Variants in FBXO4 observed in about 807,000 individuals in gnomAD.
FBXO4 encodes the protein F-box only protein 4.
Under a neutral mutation model 43.7 loss-of-function variants are expected in FBXO4, and 36 were observed. The observed-to-expected ratio is 0.82, with a 90% CI of 0.63 to 1.09. The LOEUF is 1.09. Among genes scored for constraint, FBXO4 ranks in the 50% least tolerant of loss-of-function variants. The pLI, the probability that FBXO4 is intolerant of heterozygous loss-of-function variation, is 0.00. For synonymous variants in FBXO4, 180 were observed against 165.6 expected (o/e 1.09, Z -0.67); for missense variants, 435 against 474.1 (o/e 0.92, Z 0.77).
chr5:41,959,558 A>G, the FBXO4 span, among the ~76,000 whole-genome samples: 1 of 152,138 alleles, frequency 6.6e-6, no homozygotes, highest in East Asian at 1.9e-4. Flanking sequence ...CAATTTTTGC[A>G]TGTGCTTTGA....
At chr5:41,952,723 T>C in the FBXO4 span, among the ~76,000 whole-genome samples, 1 of 152,170 alleles carries the variant, frequency 6.6e-6, no homozygotes, top group African/African-American at 2.4e-5. Context: ...TCATAAAATA[T>C]GTAATATTTT....
At chr5:41,968,903 A>G in the FBXO4 span, among the ~76,000 whole-genome samples, 1 of 152,092 alleles carries the variant, frequency 6.6e-6, no homozygotes. Context: ...ACATCTTATG[A>G]TTTTATGAAT....
chr5:42,038,234 A>C, the FBXO4 span, among the ~76,000 whole-genome samples: 1 of 152,060 alleles, frequency 6.6e-6, no homozygotes, highest in Non-Finnish European at 1.5e-5. Context: ...TATTCTGTTC[A>C]CCACGAAGCA....
chr5:41,940,646 A>C (rs764409925), intron 6 of FBXO4, among the ~76,000 whole-genome samples: 10 of 152,246 alleles, frequency 6.6e-5, no homozygotes, highest in Non-Finnish European at 1.5e-4. Context: ...AAGAAAAATT[A>C]AAGTTGGAAA....
chr5:42,021,420 C>T, the FBXO4 span, among the ~76,000 whole-genome samples: 1 of 152,084 alleles, frequency 6.6e-6, no homozygotes, highest in African/African-American at 2.4e-5. Context: ...ATCATATTGT[C>T]ATTGAAATTG....
chr5:42,000,383 G>A, the FBXO4 span, among the ~76,000 whole-genome samples: 11 of 152,168 alleles, frequency 7.2e-5, no homozygotes, highest in Admixed American at 7.2e-4. Flanking sequence ...CATAAAAGTT[G>A]AAATTTTAAA....
the FBXO4 span, among the ~76,000 whole-genome samples, chr5:42,039,246 T>C: frequency 5.8e-4 from 88 of 152,242 alleles, no homozygotes; most frequent in Non-Finnish European, 1.1e-3. Context: ...ACAAAATACA[T>C]AAGTACCTTT....
the FBXO4 span, among the ~76,000 whole-genome samples, chr5:41,994,543 T>C: frequency 3.3e-5 from 5 of 152,224 alleles, no homozygotes; most frequent in African/African-American, 1.2e-4. Flanking sequence ...TTTCTAGCCC[T>C]GCCGGATTGG....
the FBXO4 span, among the ~76,000 whole-genome samples, chr5:42,015,971 A>T: frequency 0.1 from 15,216 of 152,188 alleles, 1,150 homozygotes; most frequent in African/African-American, 0.21. Flanking sequence ...GTGCTTAGGG[A>T]GTCAGGGATG....
the FBXO4 span, chr5:41,967,808 C>T: frequency 4.9e-6 from 3 of 611,522 alleles, no homozygotes; most frequent in South Asian, 4.1e-5. Context: ...AGAAGGAGGC[C>T]ATCTACATTA....
intron 1 of FBXO4, 39 bp downstream of exon 1, chr5:41,925,537 G>A: frequency 2.3e-6 from 3 of 1,285,098 alleles, no homozygotes; most frequent in Non-Finnish European, 3.0e-6. Flanking sequence ...CAGTGGGGCC[G>A]GCCCGGGCCG....
intron 5 of FBXO4, among the ~76,000 whole-genome samples, chr5:41,938,776 CT>C (rs1210213845): frequency 6.6e-6 from 1 of 152,120 alleles, no homozygotes; most frequent in Non-Finnish European, 1.5e-5. Flanking sequence ...TAGGACTGAC[CT>C]TCCTGTTTTC....
At chr5:41,945,246 A>G (rs1752061389), downstream of FBXO4, among the ~76,000 whole-genome samples, 1 of 152,220 alleles carries the variant, frequency 6.6e-6, no homozygotes, top group Non-Finnish European at 1.5e-5. Context: ...GTGATTGTTT[A>G]TTCTATTTTG....
At chr5:42,025,269 C>G in the FBXO4 span, among the ~76,000 whole-genome samples, 4 of 151,910 alleles carry the variant, frequency 2.6e-5, no homozygotes, top group Non-Finnish European at 4.4e-5. Flanking sequence ...GAGATGATAT[C>G]TCATTGTAGT....
chr5:41,937,902 A>G (rs1161295344), intron 5 of FBXO4, among the ~76,000 whole-genome samples: 1 of 152,228 alleles, frequency 6.6e-6, no homozygotes, highest in African/African-American at 2.4e-5. Flanking sequence ...AACAACTCCC[A>G]AAGACACCCC....
chr5:42,016,848 A>G, the FBXO4 span, among the ~76,000 whole-genome samples: 1 of 152,070 alleles, frequency 6.6e-6, no homozygotes, highest in Non-Finnish European at 1.5e-5. Flanking sequence ...AATTTTATCC[A>G]CCAGTGGGCA....
At chr5:41,979,486 A>G in the FBXO4 span, among the ~76,000 whole-genome samples, 1 of 152,236 alleles carries the variant, frequency 6.6e-6, no homozygotes, top group Non-Finnish European at 1.5e-5. Context: ...CAAATGTTTA[A>G]CAATCACCTC....
the FBXO4 span, among the ~76,000 whole-genome samples, chr5:41,970,706 A>G: frequency 2.0e-5 from 3 of 152,014 alleles, no homozygotes. Flanking sequence ...GGTTAACCAG[A>G]TATTATGTGA....
the FBXO4 span, among the ~76,000 whole-genome samples, chr5:42,033,897 A>T: frequency 6.6e-6 from 1 of 152,170 alleles, no homozygotes; most frequent in Non-Finnish European, 1.5e-5. Context: ...TGCTGAGTAA[A>T]ATGGTGTTTC....
Sources: allele counts gnomAD v4.1 joint callset (sites outside exome capture counted in the v4.1 genomes callset), GRCh38; gene constraint gnomAD v4.1.1; transcripts MANE v1.5; gene names NCBI Gene and HGNC (gene_info 2026-07-23, HGNC 2026-07-21).